ANKS1B: variants seen among roughly 807,000 people sequenced by gnomAD.
ANKS1B encodes ankyrin repeat and sterile alpha motif domain containing 1B, also known as ankyrin repeat and sterile alpha motif domain-containing protein 1B.
In ANKS1B, 36 loss-of-function variants were observed where a neutral mutation model predicts 148.3. The ratio of observed to expected loss-of-function variants is 0.24; its 90% CI spans 0.19 to 0.32. The LOEUF (loss-of-function observed/expected upper bound fraction) is 0.32. Among genes scored for constraint, ANKS1B ranks in the 10% least tolerant of loss-of-function variants. The probability of loss-of-function intolerance (pLI) is 1.00; values close to 1 mark genes in which losing one functional copy is unlikely to be tolerated. For synonymous variants in ANKS1B, 542 were observed against 560.8 expected (o/e 0.97, Z 0.47); for missense variants, 1,157 against 1,542.6 (o/e 0.75, Z 4.19).
chr12:99,354,594 G>A (rs534083373), intron 12 of ANKS1B, among the ~76,000 whole-genome samples: 1 of 152,074 alleles, frequency 6.6e-6, no homozygotes, highest in South Asian at 2.1e-4. Flanking sequence ...AATGCTCATT[G>A]AACCCACTGT....
At chr12:99,531,409 C>T (rs2096989198) in intron 9 of ANKS1B, among the ~76,000 whole-genome samples, 1 of 152,168 alleles carries the variant, frequency 6.6e-6, no homozygotes, top group Admixed American at 6.5e-5. Flanking sequence ...CCACACAGTA[C>T]ACCTTTGTGT....
Position 98,901,238 on chromosome 12 carries a change from T to A in ANKS1B, c.2779-69102A>T, listed in dbSNP as rs181606986. Among the ~76,000 whole-genome samples the A allele has an allele frequency of 2.0e-5, 3 of 152,308 alleles. 1 individual carries two copies. In the East Asian group the frequency reaches 5.8e-4, roughly 29 times the overall value. The stretch of plus-strand genomic sequence containing the variant: ...AAATATGCAGGAAGCAGAAAATATA[T>A]AAACCTGGAGCTGAGGACAGAGATG... On this transcript the variant is annotated intron_variant, in intron 17 of 26. Coordinates refer to ENST00000683438, the MANE Select transcript of ANKS1B (RefSeq NM_001352186.2).
At chr12:99,920,641 C>T (rs895298525) in intron 1 of ANKS1B, among the ~76,000 whole-genome samples, 3 of 151,982 alleles carry the variant, frequency 2.0e-5, no homozygotes, top group African/African-American at 7.2e-5. Context: ...CCAGGAAAGC[C>T]GGTGGTGCGA....
chr12:99,290,730 T>C (rs761392738), intron 12 of ANKS1B, among the ~76,000 whole-genome samples: 23 of 152,062 alleles, frequency 1.5e-4, no homozygotes, highest in Non-Finnish European at 2.8e-4. Context: ...TATTCCTTCA[T>C]AATAAAAACT....
intron 12 of ANKS1B, among the ~76,000 whole-genome samples, chr12:99,269,025 T>C (rs764935018): frequency 8.5e-5 from 13 of 152,334 alleles, no homozygotes; most frequent in Middle Eastern, 3.4e-3. Flanking sequence ...TGAAAATCAT[T>C]ACAAATACAC....
intron 17 of ANKS1B, among the ~76,000 whole-genome samples, chr12:98,878,441 G>A (rs546129537): frequency 1.6e-4 from 24 of 152,212 alleles, no homozygotes; most frequent in Non-Finnish European, 2.6e-4. Flanking sequence ...AAGTCAATAC[G>A]GGGTTGTTGA....
chr12:99,941,832 T>C (rs1001600455), intron 1 of ANKS1B, among the ~76,000 whole-genome samples: 2 of 152,164 alleles, frequency 1.3e-5, no homozygotes, highest in Admixed American at 1.3e-4. Flanking sequence ...AATGCCTCTC[T>C]TAAATTTTGA....
intron 17 of ANKS1B, among the ~76,000 whole-genome samples, chr12:98,857,872 C>T (rs780652390): frequency 1.1e-4 from 16 of 152,106 alleles, no homozygotes; most frequent in Non-Finnish European, 2.1e-4. Context: ...TATGAATGTT[C>T]AGAGGGAAAA....
At chr12:99,828,893 G>A (rs1454487593) in intron 1 of ANKS1B, among the ~76,000 whole-genome samples, 1 of 152,100 alleles carries the variant, frequency 6.6e-6, no homozygotes, top group Non-Finnish European at 1.5e-5. Flanking sequence ...TGAGGCAGGA[G>A]AATCGACTGA....
intron 12 of ANKS1B, among the ~76,000 whole-genome samples, chr12:99,340,237 G>C (rs2089671593): frequency 6.6e-6 from 1 of 152,168 alleles, no homozygotes; most frequent in East Asian, 1.9e-4. Context: ...TGGCTCTGAT[G>C]ATCAAAATTT....
At chr12:99,740,427 A>G (rs2059989060) in intron 8 of ANKS1B, among the ~76,000 whole-genome samples, 2 of 152,198 alleles carry the variant, frequency 1.3e-5, no homozygotes, top group Non-Finnish European at 2.9e-5. Context: ...CAGGAATCAG[A>G]CCTGACTGCA....
At chr12:99,870,657 T>C (rs1454530057) in intron 1 of ANKS1B, among the ~76,000 whole-genome samples, 2 of 152,192 alleles carry the variant, frequency 1.3e-5, no homozygotes, top group Non-Finnish European at 2.9e-5. Context: ...TTGATTTGAA[T>C]TTCTCTGATG....
At chr12:99,616,633 A>T (rs1348638251) in intron 9 of ANKS1B, among the ~76,000 whole-genome samples, 1 of 152,198 alleles carries the variant, frequency 6.6e-6, no homozygotes, top group East Asian at 1.9e-4. Flanking sequence ...CTTATACAAA[A>T]ATTAACTCAA....
chr12:99,303,090 A>G (rs1184277274), intron 12 of ANKS1B, among the ~76,000 whole-genome samples: 4 of 152,190 alleles, frequency 2.6e-5, no homozygotes, highest in Admixed American at 2.0e-4. Context: ...CAAAAGGCAC[A>G]TAATACTTAT....
At chr12:98,932,703 T>A (rs970837571) in intron 17 of ANKS1B, among the ~76,000 whole-genome samples, 1 of 152,208 alleles carries the variant, frequency 6.6e-6, no homozygotes, top group South Asian at 2.1e-4. Context: ...GATGTTAATA[T>A]ATATTCCTGG....
At chr12:99,809,545 T>C (rs1447208830) in intron 3 of ANKS1B, among the ~76,000 whole-genome samples, 1 of 151,784 alleles carries the variant, frequency 6.6e-6, no homozygotes, top group Non-Finnish European at 1.5e-5. Flanking sequence ...CCGGGTAGAG[T>C]CCACTTTGTT....
intron 10 of ANKS1B, among the ~76,000 whole-genome samples, chr12:99,479,848 T>A (rs542924194): frequency 2.0e-5 from 3 of 151,996 alleles, no homozygotes; most frequent in Middle Eastern, 6.8e-3. Context: ...AGTTAATACA[T>A]TGTATATTTC....
At chr12:99,728,382 C>T (rs1015400933) in intron 8 of ANKS1B, among the ~76,000 whole-genome samples, 2 of 152,164 alleles carry the variant, frequency 1.3e-5, no homozygotes, top group Non-Finnish European at 2.9e-5. Flanking sequence ...AAAAGCTCAA[C>T]ATCACTGATC....
intron 16 of ANKS1B, among the ~76,000 whole-genome samples, chr12:99,072,362 A>G (rs2046540450): frequency 6.6e-6 from 1 of 152,090 alleles, no homozygotes; most frequent in Non-Finnish European, 1.5e-5. Flanking sequence ...GCATTTTTGT[A>G]TTTATATCTC....
Sources: gnomAD v4.1 joint callset for allele counts (sites outside exome capture counted in the v4.1 genomes callset) on GRCh38, gnomAD v4.1.1 for gene constraint, MANE v1.5 for transcripts, NCBI Gene and HGNC (gene_info 2026-07-23, HGNC 2026-07-21) for gene names.